Variants in GRM7 observed in about 807,000 individuals in gnomAD.
The protein encoded by GRM7 is glutamate metabotropic receptor 7.
A neutral mutation model predicts 84.5 loss-of-function variants in GRM7; 35 were observed. That is an observed-to-expected ratio of 0.41 (90% CI 0.32 to 0.55). The LOEUF (loss-of-function observed/expected upper bound fraction) is 0.55, where lower values mean the gene tolerates loss of function less well. Among genes scored for constraint, GRM7 ranks in the 20% least tolerant of loss-of-function variants. The probability of loss-of-function intolerance (pLI) is 0.19; values close to 1 mark genes in which losing one functional copy is unlikely to be tolerated. For missense variants in GRM7, 1,003 were observed against 1,194.6 expected, an observed-to-expected ratio of 0.84 and a Z score of 2.36; for synonymous variants, 487 against 455.1, an observed-to-expected ratio of 1.07 and a Z score of -0.89.
At position 7,132,822 on chromosome 3, in the gene GRM7, C is replaced by A. The variant is rs926697991; in HGVS notation, c.520-13630C>A. Among the ~76,000 whole-genome samples, 4 of 152,276 alleles carry A rather than the reference C, an allele frequency of 2.6e-5. No homozygotes were observed. In the East Asian group the frequency reaches 7.7e-4, roughly 29 times the overall value. On this transcript the variant is annotated intron_variant, in intron 1 of 9. Transcript: ENST00000357716. ...GTGAAGATTTCACCATGTTCCATAGCATTTCTGTTAAGTGCACTTTATTGT... is the reference window on the plus strand; with the variant it reads ...GTGAAGATTTCACCATGTTCCATAGAATTTCTGTTAAGTGCACTTTATTGT...
At chr3:7,155,864 C>T (rs1451811276) in intron 2 of GRM7, among the ~76,000 whole-genome samples, 4 of 152,178 alleles carry the variant, frequency 2.6e-5, no homozygotes, top group Admixed American at 6.5e-5. Context: ...AATAGTTTGA[C>T]CTTGCGTAGC....
chr3:7,389,067 G>T (rs1216934804), intron 4 of GRM7, among the ~76,000 whole-genome samples: 1 of 151,978 alleles, frequency 6.6e-6, no homozygotes, highest in African/African-American at 2.4e-5. Context: ...AGAGGTTTCA[G>T]TGTGTTGTGT....
Position 6,987,450 on chromosome 3 carries a change from C to G in GRM7, c.519+125543C>G, listed in dbSNP as rs540141389. Among the ~76,000 whole-genome samples, 101 of 151,706 alleles carry G rather than the reference C, an allele frequency of 6.7e-4. 2 individuals carry two copies. The highest frequency in any genetic ancestry group is 2.4e-3 in the African/African-American group (101 of 41,360). ...CTTACAGAAAATATTTGGTACTGCT[C>G]TAAACAAGGTGGTCAGAGAAGACCT... is the stretch of plus-strand genomic sequence containing the variant. On this transcript the variant is annotated intron_variant, in intron 1 of 9. Coordinates refer to ENST00000357716, the MANE Select transcript of GRM7 (RefSeq NM_000844.4).
At chr3:7,221,922 T>C (rs1178365088) in intron 2 of GRM7, among the ~76,000 whole-genome samples, 9 of 150,946 alleles carry the variant, frequency 6.0e-5, no homozygotes. Flanking sequence ...TTCTCCTGGC[T>C]CAGCCTCCCA....
chr3:6,885,558 C>G (rs570725893), intron 1 of GRM7, among the ~76,000 whole-genome samples: 15 of 152,252 alleles, frequency 9.9e-5, no homozygotes, highest in Non-Finnish European at 1.6e-4. Context: ...GTATCCAAGC[C>G]CGACCCCCAA....
intron 4 of GRM7, 32 bp from the exon 5 acceptor site, chr3:7,414,991 A>C: frequency 1.3e-6 from 2 of 1,570,130 alleles, no homozygotes. Context: ...AGTGCCCCGC[A>C]AGCAATGACC....
intron 6 of GRM7, 124 bp downstream of exon 6, chr3:7,452,931 T>C (rs903009731): frequency 1.3e-5 from 8 of 639,988 alleles, no homozygotes; most frequent in Non-Finnish European, 2.2e-5. Context: ...TATAAAACTT[T>C]AAATGATTGA....
At chr3:7,665,766 T>G (rs899542686) in intron 8 of GRM7, among the ~76,000 whole-genome samples, 2 of 152,196 alleles carry the variant, frequency 1.3e-5, no homozygotes, top group African/African-American at 4.8e-5. Context: ...TCCTGATTAC[T>G]GTGTCTCTTC....
intron 4 of GRM7, among the ~76,000 whole-genome samples, chr3:7,370,769 G>T (rs17047226): frequency 1.3e-5 from 2 of 152,010 alleles, no homozygotes; most frequent in African/African-American, 4.8e-5. Context: ...TCAGTGTCAG[G>T]GTTGGTACTT....
At chr3:7,252,684 T>TTCTTTTCTGTTTTTCTTTTCTTTTTTTC (rs6147696) in intron 2 of GRM7, among the ~76,000 whole-genome samples, 2 of 118,236 alleles carry the variant, frequency 1.7e-5, no homozygotes, top group Non-Finnish European at 3.4e-5. Context: ...TTCTTTTCTT[T>TTCTTTTCTGTTTTTCTTTTCTTTTTTTC]TTTTCTTTTC....
At chr3:6,919,191 T>C (rs1697037730) in intron 1 of GRM7, among the ~76,000 whole-genome samples, 1 of 151,866 alleles carries the variant, frequency 6.6e-6, no homozygotes, top group Non-Finnish European at 1.5e-5. Flanking sequence ...AAATGTATTT[T>C]ATTTTATTAT....
chr3:7,457,551 C>A (rs779721), intron 6 of GRM7, among the ~76,000 whole-genome samples: 24,042 of 152,008 alleles, frequency 0.16, 2,154 homozygotes, highest in East Asian at 0.47. Flanking sequence ...TTCTAGAAAA[C>A]AAATTGGAGT....
At chr3:6,888,708 G>A (rs150219426) in intron 1 of GRM7, among the ~76,000 whole-genome samples, 32,683 of 151,790 alleles carry the variant, frequency 0.22, 3,740 homozygotes, top group Non-Finnish European at 0.25. Flanking sequence ...TTGACTTGGC[G>A]ATGCGGGCTG....
intron 7 of GRM7, among the ~76,000 whole-genome samples, chr3:7,473,648 A>G (rs1421321864): frequency 6.6e-6 from 1 of 152,154 alleles, no homozygotes; most frequent in Non-Finnish European, 1.5e-5. Context: ...TTTGATCAGA[A>G]TTGTGCAAAG....
At position 7,114,136 on chromosome 3, in the gene GRM7, TG is replaced by T. The variant is rs139808407; in HGVS notation, c.520-32312del. ...TTAATGGAGATAAAGCTTAACATTT[TG>T]GGGAAAACGTGTAAGTTCAATGACT... On this transcript the variant is annotated intron_variant, in intron 1 of 9. Coordinates refer to ENST00000357716, the MANE Select transcript of GRM7 (RefSeq NM_000844.4). 2.7e-3 allele frequency among the ~76,000 whole-genome samples: 404 copies of T among 152,272 alleles called. 1 individual carries two copies. The highest frequency in any genetic ancestry group is 9.2e-3 in the African/African-American group (381 of 41,574).
At chr3:7,044,856 C>A (rs1359373278) in intron 1 of GRM7, among the ~76,000 whole-genome samples, 1 of 152,194 alleles carries the variant, frequency 6.6e-6, no homozygotes, top group Non-Finnish European at 1.5e-5. Flanking sequence ...TTTCTTCCCA[C>A]TTAGTCCCTG....
chr3:7,452,555 AATTT>A, intron 5 of GRM7, 48 bp from the exon 6 acceptor site: 2 of 1,148,608 alleles, frequency 1.7e-6, no homozygotes, highest in Non-Finnish European at 2.6e-6. Context: ...ACTCAATGCC[AATTT>A]GTGTGTGTGT....
chr3:7,249,129 A>G (rs1697885019), intron 2 of GRM7, among the ~76,000 whole-genome samples: 1 of 152,148 alleles, frequency 6.6e-6, no homozygotes, highest in Admixed American at 6.6e-5. Context: ...ATGTATATTT[A>G]TATGTTAATT....
Position 7,578,783 on chromosome 3 carries a change from G to A in GRM7, c.1877G>A (p.Arg626Gln), listed in dbSNP as rs1695090618. The change falls in exon 8 of 10, where the codon CGG becomes CAG. Residue 626 changes from arginine to glutamine, a missense_variant. Physicochemically the swap from Arg to Gln is conservative, Grantham distance 43. Coordinates refer to ENST00000357716, the MANE Select transcript of GRM7 (RefSeq NM_000844.4). Reference sequence around the variant, plus strand: ...ACGCCCATTGTCCGGGCATCTGGGCGGGAACTCAGCTATGTTCTTTTGACG... The same window carrying A: ...ACGCCCATTGTCCGGGCATCTGGGCAGGAACTCAGCTATGTTCTTTTGACG... The part of the protein sequence containing the change: ...NDTPIVRASG[R>Q]ELSYVLLTGI... 2 of 1,614,026 alleles carry A rather than the reference G, an allele frequency of 1.2e-6. No homozygotes were observed. Among genetic ancestry groups the A allele is most frequent in the Non-Finnish European group, 1.7e-6 (2 of 1,179,978 alleles).
Sources: allele counts gnomAD v4.1 joint callset (sites outside exome capture counted in the v4.1 genomes callset), GRCh38; gene constraint gnomAD v4.1.1; transcripts MANE v1.5; gene names NCBI Gene and HGNC (gene_info 2026-07-23, HGNC 2026-07-21).